UBE2D2: variants seen among roughly 807,000 people sequenced by gnomAD.
UBE2D2 encodes the protein ubiquitin-conjugating enzyme E2 D2.
A neutral mutation model predicts 24.2 loss-of-function variants in UBE2D2; 2 were observed. The ratio of observed to expected loss-of-function variants is 0.08; its 90% CI spans 0.03 to 0.26. UBE2D2 has a LOEUF of 0.26. UBE2D2 is among the 10% of genes least tolerant of loss of function. UBE2D2 has a pLI of 1.00. For missense variants in UBE2D2, 44 were observed against 177.6 expected (o/e 0.25, Z 4.28); for synonymous variants, 58 against 56.5 (o/e 1.03, Z -0.12).
rs534767518 is a variant in UBE2D2, at chr5:139,596,859, C to T, written c.25-3513C>T. On this transcript the variant is annotated intron_variant, in intron 1 of 6. Coordinates refer to ENST00000398733, the MANE Select transcript of UBE2D2 (RefSeq NM_003339.3). ...CAGGAGATCGAGACCATCCTGCTAA[C>T]ACGGTGAAACCCCATCTCTTCTAAA... 2.6e-3 allele frequency among the ~76,000 whole-genome samples: 400 copies of T among 152,032 alleles called. 2 individuals are homozygous for T. Among genetic ancestry groups the T allele is most frequent in the Non-Finnish European group, 4.5e-3 (306 of 67,990 alleles).
At chr5:139,564,892 A>T (rs1475119262) in intron 1 of UBE2D2, among the ~76,000 whole-genome samples, 1 of 152,246 alleles carries the variant, frequency 6.6e-6, no homozygotes, top group Non-Finnish European at 1.5e-5. Context: ...CCACTCAAAA[A>T]GATTGTGAAA....
Position 139,614,801 on chromosome 5 carries a change from T to TA in UBE2D2, c.198+29dup. On this transcript the variant is annotated intron_variant, in intron 4 of 6. Transcript: ENST00000398733. The stretch of plus-strand genomic sequence containing the variant: ...TAATTAATTGGAATGTGGCAGTTTT[T>TA]AATGTACTTTCTATAATACTAATAA... 3 of 1,612,904 alleles carry TA rather than the reference T, an allele frequency of 1.9e-6. No homozygotes were observed. In the South Asian group the frequency reaches 3.3e-5, roughly 18 times the overall value.
At chr5:139,560,446 T>G (rs1310167541), upstream of UBE2D2, among the ~76,000 whole-genome samples, 3 of 152,110 alleles carry the variant, frequency 2.0e-5, no homozygotes, top group Non-Finnish European at 4.4e-5. Flanking sequence ...TCCGCCTGCC[T>G]TGGCCTCCCA....
upstream of UBE2D2, among the ~76,000 whole-genome samples, chr5:139,558,389 G>A (rs779817201): frequency 3.3e-5 from 5 of 152,120 alleles, no homozygotes; most frequent in Admixed American, 6.6e-5. Context: ...CCGGGTTCAC[G>A]CCATTCTCCT....
chr5:139,601,505 G>A (rs1191513231), intron 2 of UBE2D2, among the ~76,000 whole-genome samples: 1 of 152,178 alleles, frequency 6.6e-6, no homozygotes, highest in Non-Finnish European at 1.5e-5. Context: ...CTACTTGGAA[G>A]GCTAAGGTGG....
At chr5:139,600,340 G>T (rs562075297) in intron 1 of UBE2D2, 32 bp from the exon 2 acceptor site, 2 of 1,606,706 alleles carry the variant, frequency 1.2e-6, no homozygotes, top group African/African-American at 1.3e-5. Context: ...CATTTATGTT[G>T]AATATATTTC....
intron 1 of UBE2D2, chr5:139,562,072 C>T: frequency 5.8e-6 from 5 of 864,924 alleles, no homozygotes; most frequent in Non-Finnish European, 6.9e-6. Flanking sequence ...ATGGTGTGGA[C>T]TCTTAGGGCT....
upstream of UBE2D2, among the ~76,000 whole-genome samples, chr5:139,558,243 A>C (rs1753006613): frequency 6.6e-6 from 1 of 152,226 alleles, no homozygotes; most frequent in South Asian, 2.1e-4. Context: ...CCATTAAAAT[A>C]AGGTAGAAAT....
intron 1 of UBE2D2, among the ~76,000 whole-genome samples, chr5:139,595,420 C>G (rs779576837): frequency 6.6e-6 from 1 of 151,964 alleles, no homozygotes; most frequent in Non-Finnish European, 1.5e-5. Context: ...CTCTTGTTAC[C>G]CAAGCTGGAG....
chr5:139,549,194 G>C (rs1035882007), intron 1 of UBE2D2, among the ~76,000 whole-genome samples: 8 of 152,274 alleles, frequency 5.3e-5, no homozygotes, highest in Middle Eastern at 3.4e-3. Context: ...CGTGCTAGCA[G>C]CCCTCACTCA....
chr5:139,550,075 G>T (rs1378619669), intron 1 of UBE2D2, among the ~76,000 whole-genome samples: 2 of 151,888 alleles, frequency 1.3e-5, no homozygotes, highest in Non-Finnish European at 2.9e-5. Context: ...TCAGTGCTCT[G>T]TGTCTAATCT....
At chr5:139,611,744 A>C (rs1754324812) in intron 2 of UBE2D2, among the ~76,000 whole-genome samples, 1 of 152,214 alleles carries the variant, frequency 6.6e-6, no homozygotes, top group Admixed American at 6.6e-5. Context: ...TGAACTGCTG[A>C]AACTTGTTCA....
At chr5:139,591,143 C>T (rs1477260609) in intron 1 of UBE2D2, among the ~76,000 whole-genome samples, 4 of 137,028 alleles carry the variant, frequency 2.9e-5, no homozygotes, top group Non-Finnish European at 4.7e-5. Context: ...TTTTTTAAGA[C>T]GGAGTTTCGC....
chr5:139,587,522 TAAAA>T (rs1206001887), intron 1 of UBE2D2, among the ~76,000 whole-genome samples: 1 of 150,638 alleles, frequency 6.6e-6, no homozygotes, highest in Non-Finnish European at 1.5e-5. Flanking sequence ...CTACTAAAAA[TAAAA>T]AAAATAGCCG....
intron 1 of UBE2D2, among the ~76,000 whole-genome samples, chr5:139,579,017 G>A (rs1006201730): frequency 1.3e-5 from 2 of 152,068 alleles, no homozygotes; most frequent in Non-Finnish European, 2.9e-5. Context: ...GCCCAGGCTG[G>A]AGTGTAGTGG....
intron 1 of UBE2D2, among the ~76,000 whole-genome samples, chr5:139,575,900 C>G (rs1476326110): frequency 6.6e-6 from 1 of 152,150 alleles, no homozygotes; most frequent in Non-Finnish European, 1.5e-5. Context: ...CGCCTGTAGT[C>G]ATAGCTACTG....
intron 1 of UBE2D2, among the ~76,000 whole-genome samples, chr5:139,539,367 A>G (rs577692657): frequency 1.3e-5 from 2 of 152,266 alleles, no homozygotes; most frequent in Non-Finnish European, 2.9e-5. Context: ...GATTCCATTT[A>G]TATAACATTC....
chr5:139,562,523 T>G, intron 1 of UBE2D2: 2 of 1,088,446 alleles, frequency 1.8e-6, no homozygotes, highest in Non-Finnish European at 2.4e-6. Flanking sequence ...ATAGAAAAGC[T>G]GTACATTGGC....
At chr5:139,549,416 G>A (rs1019260722) in intron 1 of UBE2D2, among the ~76,000 whole-genome samples, 1 of 152,224 alleles carries the variant, frequency 6.6e-6, no homozygotes, top group Non-Finnish European at 1.5e-5. Flanking sequence ...GGTGCGCGGG[G>A]TCTTGGCGGC....
Sources: gnomAD v4.1 joint callset for allele counts (sites outside exome capture counted in the v4.1 genomes callset) on GRCh38, gnomAD v4.1.1 for gene constraint, MANE v1.5 for transcripts, NCBI Gene and HGNC (gene_info 2026-07-23, HGNC 2026-07-21) for gene names.